The following DLGAP2 variants were observed in gnomAD, a reference collection of about 807,000 sequenced individuals.
DLGAP2 encodes DLG associated protein 2, also known as disks large-associated protein 2.
In DLGAP2, 26 loss-of-function variants were observed where a neutral mutation model predicts 100.3. The ratio of observed to expected loss-of-function variants is 0.26; its 90% CI spans 0.19 to 0.36. The LOEUF is 0.36. Ranked by LOEUF, DLGAP2 falls within the 10% of genes least tolerant of loss-of-function variation. The pLI is 1.00. For synonymous variants in DLGAP2, 886 were observed against 630.1 expected (o/e 1.41, Z -6.08); for missense variants, 1,858 against 1,453.2 (o/e 1.28, Z -4.53).
At chr8:859,918 C>T (rs776490426) in intron 1 of DLGAP2, among the ~76,000 whole-genome samples, 1 of 152,160 alleles carries the variant, frequency 6.6e-6, no homozygotes, top group Admixed American at 6.5e-5. Flanking sequence ...GTGGGCTTCC[C>T]GTAACATTTC....
intron 6 of DLGAP2, among the ~76,000 whole-genome samples, chr8:1,606,227 G>C (rs1796794014): frequency 6.6e-6 from 1 of 152,098 alleles, no homozygotes. Flanking sequence ...GCTAAATAGA[G>C]TGCTCTTCGT....
In DLGAP2 at chr8:1,323,226, C is replaced by CA. The variant is rs377359031; in HGVS notation, c.106+64344dup. Among the ~76,000 whole-genome samples the CA allele has an allele frequency of 1.8e-3, 272 of 152,202 alleles. 2 individuals carry two copies. The highest frequency in any genetic ancestry group is 6.8e-3 in the Middle Eastern group (2 of 294). On this transcript the variant is annotated intron_variant, in intron 3 of 14. Coordinates refer to ENST00000637795, the MANE Select transcript of DLGAP2 (RefSeq NM_001346810.2). ...TTGTATTTTACTGGAGACAGGGTTT[C>CA]ATTGTGTTGCCCAGGCTGGTCTTGA...
intron 5 of DLGAP2, among the ~76,000 whole-genome samples, chr8:1,560,029 G>A (rs530516931): frequency 6.6e-6 from 1 of 152,246 alleles, no homozygotes; most frequent in Admixed American, 6.5e-5. Flanking sequence ...TCCATCTCCT[G>A]TACCGAATTG....
chr8:1,285,843 C>G (rs1263878391), intron 3 of DLGAP2, among the ~76,000 whole-genome samples: 1 of 152,146 alleles, frequency 6.6e-6, no homozygotes, highest in Admixed American at 6.5e-5. Context: ...GTGGCACACA[C>G]CTGCAACCCC....
chr8:1,226,239 A>T (rs1017734699), intron 2 of DLGAP2, among the ~76,000 whole-genome samples: 1 of 152,208 alleles, frequency 6.6e-6, no homozygotes, highest in Non-Finnish European at 1.5e-5. Flanking sequence ...ATGTCCATCA[A>T]TGATAGACTG....
At chr8:1,237,090 G>A (rs1432095779) in intron 2 of DLGAP2, among the ~76,000 whole-genome samples, 1 of 130,030 alleles carries the variant, frequency 7.7e-6, no homozygotes, top group Non-Finnish European at 1.6e-5. Context: ...GCCGTGTCTA[G>A]TTCTCTCACA....
intron 3 of DLGAP2, among the ~76,000 whole-genome samples, chr8:1,326,645 G>A (rs575679760): frequency 6.6e-5 from 10 of 152,186 alleles, no homozygotes; most frequent in African/African-American, 9.6e-5. Flanking sequence ...AGGACACGGC[G>A]AGCTCTTAGT....
intron 3 of DLGAP2, among the ~76,000 whole-genome samples, chr8:1,495,922 G>A (rs1051106901): frequency 1.5e-4 from 23 of 152,196 alleles, no homozygotes; most frequent in Non-Finnish European, 2.9e-4. Flanking sequence ...CCTGTCCCGA[G>A]AGCCTCTGAC....
At chr8:1,686,123 A>G (rs1799108655) in intron 12 of DLGAP2, among the ~76,000 whole-genome samples, 2 of 152,200 alleles carry the variant, frequency 1.3e-5, no homozygotes, top group Non-Finnish European at 1.5e-5. Context: ...CTGCACCCAC[A>G]TGTTTATTGC....
rs532073704 is a variant in DLGAP2 at position 1,682,908 on chromosome 8, G to A, written c.2704+4279G>A. Among the ~76,000 whole-genome samples, 47 of 151,598 alleles carry A rather than the reference G, an allele frequency of 3.1e-4. 2 individuals are homozygous for A. Among genetic ancestry groups the A allele is most frequent in the South Asian group, 2.3e-3 (11 of 4,800 alleles). ...TTCCCCTAAACATATGTTTGGTTTC[G>A]TGGTGGGATTTTTGTTTTGTTTTGT... On this transcript the variant is annotated intron_variant, in intron 12 of 14. Transcript: ENST00000637795.
chr8:1,034,416 C>T (rs1461892547), intron 2 of DLGAP2, among the ~76,000 whole-genome samples: 1 of 14,596 alleles, frequency 6.9e-5, no homozygotes, highest in Admixed American at 5.3e-4. Flanking sequence ...ATCCCGACCC[C>T]GCGTGTCACC....
At chr8:926,670 G>A (rs911820639) in intron 2 of DLGAP2, among the ~76,000 whole-genome samples, 1 of 152,244 alleles carries the variant, frequency 6.6e-6, no homozygotes, top group African/African-American at 2.4e-5. Flanking sequence ...ATGAGCTGAA[G>A]GGGGTGTGCG....
At chr8:1,313,822 A>G (rs1459996823) in intron 3 of DLGAP2, among the ~76,000 whole-genome samples, 2 of 152,280 alleles carry the variant, frequency 1.3e-5, no homozygotes, top group East Asian at 1.9e-4. Flanking sequence ...GCTGGCGCCA[A>G]AACTGAACCT....
rs374446108 is a variant in DLGAP2 at position 1,682,091 on chromosome 8, C to T, written c.2704+3462C>T. 2.6e-5 allele frequency among the ~76,000 whole-genome samples: 4 copies of T among 152,334 alleles called. No individual in the cohort carries two copies. The East Asian group carries it at 5.8e-4, about 22-fold the overall frequency. On this transcript the variant is annotated intron_variant, in intron 12 of 14. Transcript: ENST00000637795. ...GCCTGCTTCCATGCTGGATGTGCATCCCATCCTTTCACCTGCTGTTTCAGA... is the reference window on the plus strand; with the variant it reads ...GCCTGCTTCCATGCTGGATGTGCATTCCATCCTTTCACCTGCTGTTTCAGA...
At chr8:1,043,289 T>G (rs1585007741) in intron 2 of DLGAP2, among the ~76,000 whole-genome samples, 1 of 80,916 alleles carries the variant, frequency 1.2e-5, no homozygotes, top group African/African-American at 4.7e-5. Flanking sequence ...ACGTGGGTGG[T>G]GGGTGTGGGT....
intron 2 of DLGAP2, among the ~76,000 whole-genome samples, chr8:1,242,727 G>C (rs142468262): frequency 1.4e-4 from 22 of 152,338 alleles, no homozygotes; most frequent in Non-Finnish European, 2.5e-4. Flanking sequence ...TGGGTGGATG[G>C]ATGTATGTAT....
At chr8:1,451,857 C>G (rs1798168647) in intron 3 of DLGAP2, among the ~76,000 whole-genome samples, 2 of 152,218 alleles carry the variant, frequency 1.3e-5, no homozygotes, top group Non-Finnish European at 2.9e-5. Flanking sequence ...ACTAATGTAC[C>G]CAAACCATCC....
chr8:1,279,618 G>GC (rs1399874359), intron 3 of DLGAP2, among the ~76,000 whole-genome samples: 1 of 152,192 alleles, frequency 6.6e-6, no homozygotes, highest in Non-Finnish European at 1.5e-5. Flanking sequence ...TCTGGGAATG[G>GC]CGTAGCTGGG....
chr8:1,576,874 C>G (rs1479186502), intron 6 of DLGAP2, among the ~76,000 whole-genome samples: 1 of 152,116 alleles, frequency 6.6e-6, no homozygotes, highest in African/African-American at 2.4e-5. Context: ...AGTGCCATCC[C>G]CATCAAGCTA....
Sources: gnomAD v4.1 joint callset for allele counts (sites outside exome capture counted in the v4.1 genomes callset) on GRCh38, gnomAD v4.1.1 for gene constraint, MANE v1.5 for transcripts, NCBI Gene and HGNC (gene_info 2026-07-23, HGNC 2026-07-21) for gene names.